MTCL1: variants seen among roughly 807,000 people sequenced by gnomAD.
The protein encoded by MTCL1 is microtubule crosslinking factor 1.
In MTCL1, 79 loss-of-function variants were observed where a neutral mutation model predicts 141.4. The ratio of observed to expected loss-of-function variants is 0.56; its 90% CI spans 0.47 to 0.67. The LOEUF (loss-of-function observed/expected upper bound fraction) is 0.67, where lower values mean the gene tolerates loss of function less well. Ranked by LOEUF, MTCL1 falls within the 30% of genes least tolerant of loss-of-function variation. The probability of loss-of-function intolerance (pLI) is 0.00; values close to 1 mark genes in which losing one functional copy is unlikely to be tolerated. For missense variants in MTCL1, 2,177 were observed against 2,113.9 expected (o/e 1.03, Z -0.59); for synonymous variants, 914 against 875.8 (o/e 1.04, Z -0.77).
chr18:8,812,710 C>T, intron 11 of MTCL1: 2 of 412,042 alleles, frequency 4.9e-6, no homozygotes, highest in Non-Finnish European at 8.8e-6. Context: ...CACAGAAGTA[C>T]AGGCAAGAGA....
At chr18:8,783,127 C>T (rs113623151) in intron 5 of MTCL1, among the ~76,000 whole-genome samples, 2 of 152,206 alleles carry the variant, frequency 1.3e-5, no homozygotes, top group African/African-American at 4.8e-5. Context: ...GTCCTGCTGT[C>T]TCTCACTGGT....
At position 8,725,938 on chromosome 18, in the gene MTCL1, C is replaced by T. The variant is rs373470124; in HGVS notation, c.357+5442C>T. Among the ~76,000 whole-genome samples, 19 of 151,754 alleles carry T rather than the reference C, an allele frequency of 1.3e-4. No individual in the cohort carries two copies. The South Asian group carries it at 1.5e-3, about 12-fold the overall frequency. On this transcript the variant is annotated intron_variant, in intron 4 of 16. Transcript: ENST00000359865. ...CGGAGCAGCTGGGACTACAGGCACC[C>T]GCCACCACGCCCGGCTAATTTTTTT... is the stretch of plus-strand genomic sequence containing the variant.
intron 7 of MTCL1, among the ~76,000 whole-genome samples, chr18:8,791,471 G>T (rs762650193): frequency 8.7e-5 from 13 of 149,022 alleles, no homozygotes; most frequent in Non-Finnish European, 1.9e-4. Flanking sequence ...GGGAGATGAA[G>T]TCACACAAGC....
intron 16 of MTCL1, chr18:8,829,141 A>G (rs2077119145): frequency 7.1e-6 from 7 of 985,434 alleles, no homozygotes; most frequent in Non-Finnish European, 8.4e-6. Flanking sequence ...CCAGAGACTC[A>G]TCTGCTCTGC....
At chr18:8,743,831 C>T (rs2096319008) in intron 4 of MTCL1, among the ~76,000 whole-genome samples, 2 of 152,356 alleles carry the variant, frequency 1.3e-5, no homozygotes, top group South Asian at 2.1e-4. Context: ...TAGCATGATA[C>T]AGTCACATAT....
chr18:8,785,012 G>GTTT (rs66769622), intron 6 of MTCL1, among the ~76,000 whole-genome samples, 169 bp downstream of exon 5: 1 of 145,960 alleles, frequency 6.9e-6, no homozygotes, highest in Non-Finnish European at 1.5e-5. Flanking sequence ...GTTGGGCTCC[G>GTTT]TTTTTTTTGT....
intron 4 of MTCL1, among the ~76,000 whole-genome samples, chr18:8,723,500 G>C (rs1352204969): frequency 2.0e-5 from 3 of 152,320 alleles, no homozygotes; most frequent in Non-Finnish European, 1.5e-5. Context: ...TCGCAGGTGT[G>C]TGTGTGTCCC....
chr18:8,745,801 A>G (rs1225947165), intron 4 of MTCL1, among the ~76,000 whole-genome samples: 1 of 152,158 alleles, frequency 6.6e-6, no homozygotes, highest in Non-Finnish European at 1.5e-5. Context: ...CATTAAGTAC[A>G]TTCACATTGT....
intron 1 of MTCL1, chr18:8,707,665 A>G (rs1315245235): frequency 2.0e-5 from 3 of 152,446 alleles, no homozygotes; most frequent in Non-Finnish European, 4.4e-5. Flanking sequence ...CAATCTGTGT[A>G]TCTGTTAAGT....
At chr18:8,728,720 C>CTTTTTTTTTTTTTTTT (rs34524200) in intron 4 of MTCL1, among the ~76,000 whole-genome samples, 3 of 59,038 alleles carry the variant, frequency 5.1e-5, no homozygotes, top group African/African-American at 6.7e-5. Flanking sequence ...GTTGTCCATT[C>CTTTTTTTTTTTTTTTT]TTTTTTTTTT....
chr18:8,817,115 C>T (rs1038980490), intron 12 of MTCL1, among the ~76,000 whole-genome samples: 3 of 152,194 alleles, frequency 2.0e-5, no homozygotes, highest in African/African-American at 7.2e-5. Flanking sequence ...CCCCTTCACT[C>T]ACACCCTCAG....
chr18:8,813,343 G>C, intron 12 of MTCL1, 110 bp downstream of exon 11: 1 of 1,287,388 alleles, frequency 7.8e-7, no homozygotes, highest in Non-Finnish European at 1.1e-6. Flanking sequence ...GCATCAGGAT[G>C]CATGGGCTTC....
chr18:8,783,062 G>A (rs1033383711), intron 5 of MTCL1, among the ~76,000 whole-genome samples: 2 of 152,224 alleles, frequency 1.3e-5, no homozygotes, highest in African/African-American at 4.8e-5. Flanking sequence ...CACGTTGGAG[G>A]TGGTGAGTGC....
chr18:8,796,719 G>A (rs1247614651), intron 9 of MTCL1, among the ~76,000 whole-genome samples: 4 of 152,166 alleles, frequency 2.6e-5, no homozygotes. Flanking sequence ...CGTTACAGTA[G>A]CAAGAGCAGG....
intron 10 of MTCL1, among the ~76,000 whole-genome samples, chr18:8,804,740 A>G (rs1479262912): frequency 6.6e-6 from 1 of 152,186 alleles, no homozygotes; most frequent in Non-Finnish European, 1.5e-5. Flanking sequence ...CATGCCTACA[A>G]TCCCATTTTC....
At chr18:8,706,549 G>A in exon 1 of MTCL1, 2 of 1,391,302 alleles carry the variant, frequency 1.4e-6, no homozygotes, top group Non-Finnish European at 1.9e-6. Flanking sequence ...CGCGGGGCCC[G>A]GCGTGGCGGA....
intron 1 of MTCL1, among the ~76,000 whole-genome samples, chr18:8,708,734 C>T (rs541697622): frequency 6.6e-6 from 1 of 152,314 alleles, no homozygotes; most frequent in South Asian, 2.1e-4. Context: ...CCGTCATGCC[C>T]GTCTCTCCAC....
At chr18:8,760,179 C>A (rs1280851165) in intron 4 of MTCL1, among the ~76,000 whole-genome samples, 1 of 152,138 alleles carries the variant, frequency 6.6e-6, no homozygotes, top group African/African-American at 2.4e-5. Flanking sequence ...TCAGTGAGTC[C>A]AACCTGCCTC....
In MTCL1 at chr18:8,830,965, C is replaced by T; in HGVS notation, c.*19-642C>T. On this transcript the variant is annotated intron_variant, in intron 16 of 16. Coordinates refer to ENST00000359865, the Ensembl canonical transcript of MTCL1. The surrounding 1 kb of genome is among the most constrained non-coding windows in gnomAD (Gnocchi z 6.4). The stretch of plus-strand genomic sequence containing the variant: ...AACCACCAGTACATTCTGATTCTAC[C>T]TTTTTAAAATGCTGCTGCAATTGAA... The T allele has an allele frequency of 1.0e-6, 1 of 985,726 alleles. No individual in the cohort carries two copies. The highest frequency in any genetic ancestry group is 1.2e-6 in the Non-Finnish European group (1 of 830,188). 61.1% of individuals were successfully genotyped at this position (985,726 alleles called of 1,614,324 possible).
Sources: gnomAD v4.1 joint callset for allele counts (sites outside exome capture counted in the v4.1 genomes callset) on GRCh38, gnomAD v4.1.1 for gene constraint, Gnocchi (gnomAD v3.1) non-coding constraint, MANE v1.5 for transcripts, NCBI Gene and HGNC (gene_info 2026-07-23, HGNC 2026-07-21) for gene names.